The following DHX40 variants were observed in gnomAD, a reference collection of about 807,000 sequenced individuals.
DHX40 encodes the protein DEAH-box helicase 40.
In DHX40, 28 loss-of-function variants were observed where a neutral mutation model predicts 89.6. That is an observed-to-expected ratio of 0.31 (90% CI 0.23 to 0.43). DHX40 has a LOEUF of 0.43. DHX40 is among the 20% of genes least tolerant of loss of function. The probability of loss-of-function intolerance (pLI) is 1.00; values close to 1 mark genes in which losing one functional copy is unlikely to be tolerated. For missense variants in DHX40, 457 were observed against 844.0 expected (o/e 0.54, Z 5.68); for synonymous variants, 226 against 283.6 (o/e 0.80, Z 2.04).
At position 59,605,094 on chromosome 17, in the gene DHX40, AT is replaced by A; in HGVS notation, c.1902-17del. ...TTGCTTTACTGTTGTAGTCTTTATCATTTTGTTTTTCTGTTTATAGATCTGT... is the reference window on the plus strand; with the variant it reads ...TTGCTTTACTGTTGTAGTCTTTATCATTTGTTTTTCTGTTTATAGATCTGT... On this transcript the variant is annotated intron_variant, in intron 15 of 17. Transcript: ENST00000251241. 6.2e-7 allele frequency: 1 copy of A among 1,610,738 alleles called. No individual in the cohort carries two copies.
At chr17:59,565,840 T>G in intron 1 of DHX40, 57 bp downstream of exon 1, 1 of 1,430,440 alleles carries the variant, frequency 7.0e-7, no homozygotes, top group Admixed American at 2.1e-5. Context: ...GGGGTTTTGG[T>G]GGGGGGATGA....
chr17:59,566,716 G>A lies in DHX40; in HGVS notation c.202G>A (p.Asp68Asn). Residue 68 changes from aspartate (D) to asparagine (N), a missense_variant, in exon 2 of 18, where the codon GAC becomes AAC. Physicochemically the swap from Asp to Asn is conservative, Grantham distance 23. Coordinates refer to ENST00000251241, the MANE Select transcript of DHX40 (RefSeq NM_024612.5). ...AAAAAAGATTATTCAAGCTGTGAGG[G>A]ACAATTCATTCCTTATTGTTACTGG... ...QRKKIIQAVR[D>N]NSFLIVTGNT... The A allele has an allele frequency of 6.2e-7, 1 of 1,604,776 alleles. No individual in the cohort carries two copies. Among genetic ancestry groups the A allele is most frequent in the African/African-American group, 1.3e-5 (1 of 74,360 alleles).
At chr17:59,567,744 G>C (rs1254576604) in intron 2 of DHX40, among the ~76,000 whole-genome samples, 1 of 151,354 alleles carries the variant, frequency 6.6e-6, no homozygotes, top group Non-Finnish European at 1.5e-5. Context: ...GGCTAACACA[G>C]TGAAACCCTG....
intron 12 of DHX40, among the ~76,000 whole-genome samples, chr17:59,589,794 C>CA (rs1216367689): frequency 7.0e-6 from 1 of 142,580 alleles, no homozygotes; most frequent in Non-Finnish European, 1.5e-5. Context: ...GATCTGGACT[C>CA]ACTGCAACCT....
At chr17:59,603,811 T>G (rs1005256422) in intron 15 of DHX40, 3 of 152,130 alleles carry the variant, frequency 2.0e-5, no homozygotes, top group Admixed American at 2.0e-4. Context: ...TAAATAAAAA[T>G]CATGTTCTTC....
chr17:59,593,998 G>A (rs1012749282), intron 12 of DHX40, among the ~76,000 whole-genome samples: 72 of 151,602 alleles, frequency 4.7e-4, no homozygotes, highest in Admixed American at 1.2e-3. Flanking sequence ...TGTTGAATCT[G>A]TGTTTCTGGT....
At chr17:59,572,773 G>T (rs2048829150) in intron 3 of DHX40, among the ~76,000 whole-genome samples, 1 of 152,150 alleles carries the variant, frequency 6.6e-6, no homozygotes, top group Admixed American at 6.5e-5. Context: ...TAAAATAGGG[G>T]CTGAGTCAGA....
intron 11 of DHX40, among the ~76,000 whole-genome samples, chr17:59,587,275 G>A (rs1003112369): frequency 8.6e-5 from 13 of 151,350 alleles, no homozygotes; most frequent in Admixed American, 5.9e-4. Flanking sequence ...CCAGACTGGA[G>A]TACAATGGTG....
intron 16 of DHX40, 72 bp from the exon 17 acceptor site, chr17:59,605,374 C>A: frequency 6.8e-7 from 1 of 1,468,178 alleles, no homozygotes; most frequent in Non-Finnish European, 9.3e-7. Context: ...AGGATTTGGA[C>A]TATTTGGTTG....
intron 12 of DHX40, among the ~76,000 whole-genome samples, chr17:59,588,766 A>T (rs947407819): frequency 1.3e-5 from 2 of 152,190 alleles, no homozygotes; most frequent in African/African-American, 4.8e-5. Context: ...GCAGAGCGGA[A>T]GTTTTTATTT....
chr17:59,588,140 G>A, intron 12 of DHX40, 87 bp downstream of exon 12: 1 of 1,573,992 alleles, frequency 6.4e-7, no homozygotes, highest in African/African-American at 1.4e-5. Context: ...CATCACTTTG[G>A]GAGGGCAAGG....
intron 2 of DHX40, among the ~76,000 whole-genome samples, chr17:59,570,254 A>AT (rs1432345047): frequency 1.6e-5 from 2 of 125,152 alleles, no homozygotes; most frequent in Non-Finnish European, 3.2e-5. Context: ...TATAATATAT[A>AT]AATATATATA....
At position 59,605,495 on chromosome 17, in the gene DHX40, T is replaced by G. The variant is rs1213394835; in HGVS notation, c.2021T>G (p.Leu674Trp). The change falls in exon 17 of 18, where the codon TTG (leucine) becomes TGG (tryptophan). Residue 674 changes from leucine (L) to tryptophan (W), a missense_variant. Leu to Trp is a moderately conservative substitution (Grantham distance 61, BLOSUM62 -2). This residue lies in a region of DHX40 where 120 missense variants were observed against 161.7 expected (regional missense o/e 0.74). Coordinates refer to ENST00000251241, the MANE Select transcript of DHX40 (RefSeq NM_024612.5). The part of the protein sequence containing the change: ...KLEWIIFHEV[L>W]VTTKVYARIV... ...GAATGGATCATTTTTCATGAGGTAT[T>G]GGTTACCACCAAAGTCTACGCAAGA... The G allele has an allele frequency of 6.2e-7, 1 of 1,613,972 alleles. No homozygotes were observed. The highest frequency in any genetic ancestry group is 1.3e-5 in the African/African-American group (1 of 74,928).
intron 3 of DHX40, among the ~76,000 whole-genome samples, chr17:59,572,537 C>A (rs2048824775): frequency 6.6e-6 from 1 of 152,144 alleles, no homozygotes; most frequent in South Asian, 2.1e-4. Context: ...ACCCACCACA[C>A]CTGGCTAATT....
At chr17:59,596,393 C>G (rs888101052) in intron 12 of DHX40, among the ~76,000 whole-genome samples, 3 of 152,154 alleles carry the variant, frequency 2.0e-5, no homozygotes, top group African/African-American at 4.8e-5. Context: ...ATGGTGAAAC[C>G]CCATCTCTAC....
At position 59,573,781 on chromosome 17, in the gene DHX40, G is replaced by T; in HGVS notation, c.588G>T (p.Lys196Asn). ...FGLLKKLFQE[K>N]SPNRKEHLKV... ...TATTGAAGAAGCTATTTCAGGAGAA[G>T]TCTCCTAATAGGAAGGAGCATTTAA... Residue 196 changes from lysine to asparagine, a missense_variant, in exon 5 of 18, where the codon AAG (lysine) becomes AAT (asparagine). Lys to Asn is a moderately conservative substitution (Grantham distance 94). Coordinates refer to ENST00000251241, the MANE Select transcript of DHX40 (RefSeq NM_024612.5). 6.2e-7 allele frequency: 1 copy of T among 1,613,944 alleles called. No individual in the cohort carries two copies. The highest frequency in any genetic ancestry group is 1.1e-5 in the South Asian group (1 of 91,074).
chr17:59,605,844 A>G, intron 17 of DHX40, 170 bp downstream of exon 17: 1 of 703,526 alleles, frequency 1.4e-6, no homozygotes, highest in Non-Finnish European at 2.5e-6. Context: ...GTGCACCTGT[A>G]GTCCCAGTGA....
intron 14 of DHX40, among the ~76,000 whole-genome samples, chr17:59,601,285 G>C (rs543591337): frequency 6.6e-6 from 1 of 152,228 alleles, no homozygotes; most frequent in Non-Finnish European, 1.5e-5. Flanking sequence ...CTGCAGCCTG[G>C]GTGACAGAGT....
chr17:59,583,551 C>A (rs562754584), intron 10 of DHX40, among the ~76,000 whole-genome samples: 6,814 of 134,960 alleles, frequency 0.05, 36 homozygotes, highest in African/African-American at 0.15. Context: ...ATCATCACAA[C>A]CTTAATATTG....
Sources: gnomAD v4.1 joint callset for allele counts (sites outside exome capture counted in the v4.1 genomes callset) on GRCh38, gnomAD v4.1.1 for gene constraint, gnomAD v4.1.1 regional missense constraint, MANE v1.5 for transcripts, NCBI Gene and HGNC (gene_info 2026-07-23, HGNC 2026-07-21) for gene names.